Variants in TMTC2 observed in about 807,000 individuals in gnomAD.
TMTC2 encodes protein O-mannosyl-transferase TMTC2.
TMTC2 carries 43 observed loss-of-function variants against 82.4 expected under a neutral mutation model. The observed-to-expected ratio is 0.52, with a 90% confidence interval of 0.41 to 0.67. The LOEUF is 0.67. TMTC2 is among the 30% of genes least tolerant of loss of function. The pLI, the probability that TMTC2 is intolerant of heterozygous loss-of-function variation, is 0.00. For missense variants in TMTC2, 919 were observed against 1,012.4 expected (o/e 0.91, Z 1.25); for synonymous variants, 408 against 381.9 (o/e 1.07, Z -0.80).
intron 1 of TMTC2, among the ~76,000 whole-genome samples, chr12:82,779,893 C>T (rs1457958819): frequency 2.0e-5 from 3 of 151,802 alleles, no homozygotes; most frequent in African/African-American, 4.8e-5. Flanking sequence ...AGCGAGACTC[C>T]GTCTCAAAAA....
intron 1 of TMTC2, among the ~76,000 whole-genome samples, chr12:82,697,589 C>T (rs1439290782): frequency 3.3e-5 from 5 of 152,194 alleles, no homozygotes; most frequent in Non-Finnish European, 7.3e-5. Context: ...TCAACAACGG[C>T]ATCTTTAAGT....
chr12:82,810,784 C>G (rs574172882), intron 1 of TMTC2, among the ~76,000 whole-genome samples: 3 of 152,156 alleles, frequency 2.0e-5, no homozygotes, highest in Admixed American at 2.0e-4. Flanking sequence ...TGAGGGAGTT[C>G]TCACAAGATC....
chr12:82,989,914 T>C (rs370971152), intron 8 of TMTC2, among the ~76,000 whole-genome samples: 63 of 152,234 alleles, frequency 4.1e-4, no homozygotes, highest in Admixed American at 9.2e-4. Context: ...ATGGAATGGC[T>C]TAAACTCACA....
chr12:82,917,819 G>T (rs140561693), intron 3 of TMTC2, among the ~76,000 whole-genome samples: 1 of 152,160 alleles, frequency 6.6e-6, no homozygotes, highest in East Asian at 1.9e-4. Flanking sequence ...AGCCAGGATG[G>T]TCTTGATCTC....
chr12:83,055,947 T>C (rs1267970360), intron 10 of TMTC2, among the ~76,000 whole-genome samples: 1 of 151,976 alleles, frequency 6.6e-6, no homozygotes, highest in Non-Finnish European at 1.5e-5. Flanking sequence ...TTACCACTGG[T>C]AAAGCAGGGG....
At chr12:82,794,515 G>A (rs1458774625) in intron 1 of TMTC2, among the ~76,000 whole-genome samples, 1 of 152,074 alleles carries the variant, frequency 6.6e-6, no homozygotes, top group Non-Finnish European at 1.5e-5. Context: ...TGCTGGTTGT[G>A]TGTGTGTTTT....
At position 82,857,513 on chromosome 12, in the gene TMTC2, C is replaced by G; in HGVS notation, c.587C>G (p.Ser196Ter). 6.2e-7 allele frequency: 1 copy of G among 1,614,058 alleles called. No individual in the cohort carries two copies. The highest frequency in any genetic ancestry group is 8.5e-7 in the Non-Finnish European group (1 of 1,180,004). The change falls in exon 2 of 12, where the codon TCA (serine) becomes TGA (stop). Residue 196 changes from serine to a stop codon, truncating the protein, a stop_gained. Coordinates refer to ENST00000321196, the MANE Select transcript of TMTC2 (RefSeq NM_152588.3). LOFTEE classifies it high-confidence loss of function. ...CAAGGAGTGACTGTTCTCGCAGTTT[C>G]AGCAGTTTATGATGTCTTTGTCTTT... ...KEQGVTVLAVSAVYDVFVFHR... is the reference protein window; with the variant it reads ...KEQGVTVLAV
chr12:82,792,199 A>G (rs1319274324), intron 1 of TMTC2, among the ~76,000 whole-genome samples: 1 of 152,118 alleles, frequency 6.6e-6, no homozygotes, highest in Non-Finnish European at 1.5e-5. Context: ...TAGCATTATT[A>G]TCAAGACCGA....
chr12:82,761,164 T>A (rs1437543354), intron 1 of TMTC2, among the ~76,000 whole-genome samples: 1 of 152,188 alleles, frequency 6.6e-6, no homozygotes, highest in Non-Finnish European at 1.5e-5. Context: ...TTATTCTTGC[T>A]ACTCAGGAGC....
intron 11 of TMTC2, among the ~76,000 whole-genome samples, chr12:83,104,524 G>A (rs1884333655): frequency 6.6e-6 from 1 of 152,118 alleles, no homozygotes; most frequent in African/African-American, 2.4e-5. Flanking sequence ...GCTTGCATTT[G>A]CCAAAGTAGC....
intron 1 of TMTC2, among the ~76,000 whole-genome samples, chr12:82,731,127 AAAAT>A (rs1874788675): frequency 6.6e-6 from 1 of 152,278 alleles, no homozygotes; most frequent in Non-Finnish European, 1.5e-5. Context: ...CAAATGAAAA[AAAAT>A]CGAGTATTGG....
chr12:82,909,629 C>T (rs1198582297), intron 3 of TMTC2, among the ~76,000 whole-genome samples: 2 of 152,138 alleles, frequency 1.3e-5, no homozygotes, highest in African/African-American at 4.8e-5. Flanking sequence ...CATGAGCCAC[C>T]GTGCCTGGCC....
chr12:82,960,908 T>C (rs1057315577), intron 4 of TMTC2, among the ~76,000 whole-genome samples: 2 of 152,010 alleles, frequency 1.3e-5, no homozygotes, highest in Non-Finnish European at 2.9e-5. Flanking sequence ...AAACAAACTA[T>C]GTCATTTTTA....
chr12:82,861,581 T>G (rs1247332125), intron 2 of TMTC2, among the ~76,000 whole-genome samples: 2 of 152,244 alleles, frequency 1.3e-5, no homozygotes, highest in Non-Finnish European at 2.9e-5. Flanking sequence ...ATGTAGTAGA[T>G]ATTTTATTTA....
In TMTC2 at chr12:82,687,226, C is replaced by G. The variant is rs1872352550; in HGVS notation, c.-361C>G. The G allele has an allele frequency of 3.1e-6, 1 of 324,992 alleles. No homozygotes were observed. The highest frequency in any genetic ancestry group is 5.9e-6 in the Non-Finnish European group (1 of 170,284). The allele number at this position is 324,992 out of a possible 1,614,324, so 20.1% of individuals were successfully genotyped here. A position where few individuals can be genotyped will look rare whatever the true frequency, so the allele number is the denominator to read the frequency against. ...TCCACCTCCTCCGAGTCCCACTCCT[C>G]ACCTAGGACGCCCCAAACTGCCATG... On this transcript the variant is annotated 5_prime_UTR_variant, in exon 1 of 12. Transcript: ENST00000321196.
intron 1 of TMTC2, among the ~76,000 whole-genome samples, chr12:82,699,865 C>A (rs1872989240): frequency 6.6e-6 from 1 of 152,102 alleles, no homozygotes; most frequent in African/African-American, 2.4e-5. Context: ...ATGGATTCAA[C>A]CAACCATGGA....
At chr12:82,999,009 A>G (rs1330042547) in intron 8 of TMTC2, among the ~76,000 whole-genome samples, 1 of 152,226 alleles carries the variant, frequency 6.6e-6, no homozygotes, top group Non-Finnish European at 1.5e-5. Context: ...TTAGTATGAT[A>G]CAGTTGTCAC....
At chr12:82,808,222 C>T (rs1183083696) in intron 1 of TMTC2, among the ~76,000 whole-genome samples, 1 of 151,590 alleles carries the variant, frequency 6.6e-6, no homozygotes, top group Admixed American at 6.6e-5. Context: ...CTAAATTACC[C>T]AAAAACAACA....
chr12:83,083,732 A>G (rs1883553561), intron 11 of TMTC2, among the ~76,000 whole-genome samples: 1 of 152,208 alleles, frequency 6.6e-6, no homozygotes, highest in African/African-American at 2.4e-5. Context: ...TAAACATGTT[A>G]AAATTACATC....
Sources: allele counts gnomAD v4.1 joint callset (sites outside exome capture counted in the v4.1 genomes callset), GRCh38; gene constraint gnomAD v4.1.1; transcripts MANE v1.5; gene names NCBI Gene and HGNC (gene_info 2026-07-23, HGNC 2026-07-21).